The following UPP2 variants were observed in gnomAD, a reference collection of about 807,000 sequenced individuals.
UPP2 encodes UPase 2.
UPP2 carries 23 observed loss-of-function variants against 26.7 expected under a neutral mutation model. That is an observed-to-expected ratio of 0.86 (90% CI 0.62 to 1.22). The LOEUF (loss-of-function observed/expected upper bound fraction) is 1.22, where lower values mean the gene tolerates loss of function less well. UPP2 is among the 50% of genes most tolerant of loss of function. UPP2 has a pLI of 0.00. For missense variants in UPP2, 387 were observed against 396.7 expected (o/e 0.98, Z 0.21); for synonymous variants, 127 against 141.3 (o/e 0.90, Z 0.72).
chr2:158,081,403 C>A (rs1682724643), intron 3 of UPP2, among the ~76,000 whole-genome samples: 1 of 152,072 alleles, frequency 6.6e-6, no homozygotes, highest in Admixed American at 6.6e-5. Flanking sequence ...TGGAGAATAG[C>A]ATGATAGTTC....
rs183311160 is a variant in UPP2 at position 158,045,041 on chromosome 2, C to G, written c.147+29155C>G. 5.1e-4 allele frequency among the ~76,000 whole-genome samples: 78 copies of G among 152,334 alleles called. No individual in the cohort carries two copies. The South Asian group carries it at 5.8e-3, about 11-fold the overall frequency. On this transcript the variant is annotated intron_variant, in intron 3 of 9. Coordinates refer to the UPP2 transcript ENST00000605860. ...CTATTCTTTGCAATTTTCCACCTTT[C>G]CACCTTTTTCCTGAATGTATTTTCT...
At chr2:158,021,908 GATC>G (rs1178744785) in intron 3 of UPP2, among the ~76,000 whole-genome samples, 1 of 152,058 alleles carries the variant, frequency 6.6e-6, no homozygotes, top group African/African-American at 2.4e-5. Context: ...GATGAGATCA[GATC>G]ATTATCATTT....
intron 2 of UPP2, among the ~76,000 whole-genome samples, chr2:158,112,861 C>T (rs1177567835): frequency 1.3e-5 from 2 of 152,124 alleles, no homozygotes; most frequent in Non-Finnish European, 2.9e-5. Context: ...AATCATTAGG[C>T]AAAATCCTTA....
chr2:158,113,628 A>G (rs1196896068), intron 2 of UPP2, among the ~76,000 whole-genome samples: 1 of 152,222 alleles, frequency 6.6e-6, no homozygotes, highest in South Asian at 2.1e-4. Flanking sequence ...GCTAAATGGA[A>G]ACAAGATGCA....
At chr2:158,121,340 T>C (rs1010830984) in intron 4 of UPP2, 69 bp from the exon 5 acceptor site, 2 of 1,384,490 alleles carry the variant, frequency 1.4e-6, no homozygotes, top group African/African-American at 2.8e-5. Flanking sequence ...CTAGAATAAG[T>C]TACATACTAT....
intron 3 of UPP2, among the ~76,000 whole-genome samples, chr2:158,115,687 T>C (rs1266197426): frequency 6.6e-6 from 1 of 152,244 alleles, no homozygotes; most frequent in Non-Finnish European, 1.5e-5. Flanking sequence ...AATGCATTTC[T>C]ACTGAGCTCT....
intron 3 of UPP2, among the ~76,000 whole-genome samples, chr2:158,035,804 T>G (rs1431946196): frequency 1.3e-5 from 2 of 152,238 alleles, no homozygotes; most frequent in Non-Finnish European, 2.9e-5. Context: ...GATGTTCTTA[T>G]TTTACATTGT....
At chr2:158,043,291 C>A (rs1224804319) in intron 3 of UPP2, among the ~76,000 whole-genome samples, 2 of 152,164 alleles carry the variant, frequency 1.3e-5, no homozygotes, top group African/African-American at 4.8e-5. Flanking sequence ...TATAATCCTG[C>A]TCATGAACTC....
chr2:158,128,733 G>T (rs6755018), intron 6 of UPP2, among the ~76,000 whole-genome samples: 8 of 152,026 alleles, frequency 5.3e-5, no homozygotes, highest in African/African-American at 1.9e-4. Flanking sequence ...GTCTCTGGAC[G>T]GAAGAGCCAA....
intron 3 of UPP2, among the ~76,000 whole-genome samples, chr2:158,050,269 A>G (rs1682130825): frequency 6.6e-6 from 1 of 152,182 alleles, no homozygotes; most frequent in Non-Finnish European, 1.5e-5. Flanking sequence ...TCTCTTCTGC[A>G]TTTTTAAGAA....
chr2:158,032,809 G>A (rs1017434815), intron 3 of UPP2, among the ~76,000 whole-genome samples: 1 of 152,162 alleles, frequency 6.6e-6, no homozygotes, highest in Non-Finnish European at 1.5e-5. Flanking sequence ...TGGTTTTTGA[G>A]TTGCTAAATA....
At position 158,075,725 on chromosome 2, in the gene UPP2, C is replaced by T. The variant is rs185578016; in HGVS notation, c.148-26315C>T. On this transcript the variant is annotated intron_variant, in intron 3 of 9. Transcript: ENST00000605860. ...GAGAATTTATAGCTATAAGCACTTA[C>T]ATCAGAAAAGAAGAAAATATTCAAA... is the stretch of plus-strand genomic sequence containing the variant. Among the ~76,000 whole-genome samples, 3 of 151,930 alleles carry T rather than the reference C, an allele frequency of 2.0e-5. No individual in the cohort carries two copies. The East Asian group carries it at 5.8e-4, about 29-fold the overall frequency.
At chr2:158,019,965 C>T (rs1210452978) in intron 3 of UPP2, among the ~76,000 whole-genome samples, 3 of 152,136 alleles carry the variant, frequency 2.0e-5, no homozygotes, top group African/African-American at 7.2e-5. Context: ...AAACATTTTA[C>T]TGTCACAAAA....
At chr2:158,006,344 C>T (rs980476014) in intron 2 of UPP2, among the ~76,000 whole-genome samples, 1 of 152,056 alleles carries the variant, frequency 6.6e-6, no homozygotes, top group Non-Finnish European at 1.5e-5. Flanking sequence ...TGGTGGGCGC[C>T]TGTAGTCCCA....
chr2:158,108,887 C>CGTGTGTGTGTGTGTGT (rs748328980), intron 2 of UPP2, among the ~76,000 whole-genome samples: 3 of 133,032 alleles, frequency 2.3e-5, no homozygotes, highest in Non-Finnish European at 4.8e-5. Context: ...GAGGCAAAAG[C>CGTGTGTGTGTGTGTGT]GTGTGTGTGT....
intron 3 of UPP2, among the ~76,000 whole-genome samples, chr2:158,058,307 A>G (rs1400474638): frequency 4.1e-4 from 6 of 14,480 alleles, no homozygotes; most frequent in Admixed American, 8.5e-4. Flanking sequence ...AAAAAAAAAA[A>G]AAAAAAAAAA....
chr2:158,025,065 A>G (rs2105151698), intron 3 of UPP2, among the ~76,000 whole-genome samples: 1 of 152,072 alleles, frequency 6.6e-6, no homozygotes, highest in African/African-American at 2.4e-5. Flanking sequence ...GCCAGGCATG[A>G]TGGCGGGGTG....
intron 6 of UPP2, among the ~76,000 whole-genome samples, chr2:158,133,510 TTTAA>T (rs2105236433): frequency 6.6e-6 from 1 of 152,274 alleles, no homozygotes; most frequent in Non-Finnish European, 1.5e-5. Context: ...GAGAGTAGAT[TTTAA>T]TTGTTTTCAC....
chr2:158,079,738 T>A (rs1052467709), intron 3 of UPP2, among the ~76,000 whole-genome samples: 1 of 152,136 alleles, frequency 6.6e-6, no homozygotes, highest in Non-Finnish European at 1.5e-5. Context: ...CAACAATGAG[T>A]GTGTTTCTGG....
Sources: allele counts gnomAD v4.1 joint callset (sites outside exome capture counted in the v4.1 genomes callset), GRCh38; gene constraint gnomAD v4.1.1; transcripts MANE v1.5; gene names NCBI Gene and HGNC (gene_info 2026-07-23, HGNC 2026-07-21).